Variants in ADCY10 observed in about 807,000 individuals in gnomAD.
The protein encoded by ADCY10 is adenylate cyclase type 10.
ADCY10 carries 156 observed loss-of-function variants against 183.3 expected under a neutral mutation model. The observed-to-expected ratio is 0.85, with a 90% confidence interval of 0.75 to 0.97. The LOEUF is 0.97. Ranked by LOEUF, ADCY10 falls within the 50% of genes least tolerant of loss-of-function variation. The pLI is 0.00. For synonymous variants in ADCY10, 645 were observed against 670.0 expected, an observed-to-expected ratio of 0.96 and a Z score of 0.58; for missense variants, 1,745 against 1,934.3, an observed-to-expected ratio of 0.90 and a Z score of 1.84.
At chr1:167,863,172 G>A (rs1326511378) in intron 14 of ADCY10, among the ~76,000 whole-genome samples, 1 of 152,172 alleles carries the variant, frequency 6.6e-6, no homozygotes, top group African/African-American at 2.4e-5. Flanking sequence ...ATAGCCCGGC[G>A]CCTAGGAACC....
Position 167,841,250 on chromosome 1 carries a change from G to A in ADCY10, c.3008-3932C>T, listed in dbSNP as rs181345479. On this transcript the variant is annotated intron_variant, in intron 21 of 32. Coordinates refer to ENST00000367851, the MANE Select transcript of ADCY10 (RefSeq NM_018417.6). ...CCACTGTGCCTGGCAAGAATAAAAT[G>A]ATCTCTAAAAGTATAAATTCAACAT... 5.7e-4 allele frequency among the ~76,000 whole-genome samples: 87 copies of A among 152,118 alleles called. 5 individuals carry two copies. The highest frequency in any genetic ancestry group is 5.5e-3 in the Admixed American group (84 of 15,262).
intron 23 of ADCY10, among the ~76,000 whole-genome samples, chr1:167,835,750 C>T (rs1205516042): frequency 1.3e-5 from 2 of 152,068 alleles, no homozygotes; most frequent in African/African-American, 4.8e-5. Context: ...ATTAGCTGGG[C>T]ATGGTGGCAT....
At chr1:167,827,698 TTTTAAATTTAAAAAAAAAAA>T (rs1663411134) in intron 26 of ADCY10, among the ~76,000 whole-genome samples, 1 of 134,220 alleles carries the variant, frequency 7.5e-6, no homozygotes, top group Non-Finnish European at 1.6e-5. Flanking sequence ...TATCTAGGCA[TTTTAAATTTAAAAAAAAAAA>T]ATTTTTTTTT....
At chr1:167,855,139 G>A (rs1481602529) in intron 17 of ADCY10, among the ~76,000 whole-genome samples, 1 of 152,096 alleles carries the variant, frequency 6.6e-6, no homozygotes, top group African/African-American at 2.4e-5. Context: ...TGACCAATAT[G>A]GAGAAACCTC....
Position 167,870,131 on chromosome 1 carries a change from G to A in ADCY10, c.1616+126C>T, listed in dbSNP as rs573421689. 1.3e-5 allele frequency: 14 copies of A among 1,076,502 alleles called. No homozygotes were observed. In the South Asian group the frequency reaches 1.8e-4, roughly 14 times the overall value. 66.7% of individuals were successfully genotyped at this position (1,076,502 alleles called of 1,614,324 possible). On this transcript the variant is annotated intron_variant, in intron 14 of 32. Transcript: ENST00000367851. ...TGTTAGTTATCTATTTAGCACAAGG[G>A]TCATGGCATCCAATAATTGTAGGTT...
In ADCY10 at chr1:167,809,705, T is replaced by G. The variant is rs373395570; in HGVS notation, c.4806A>C (p.Arg1602Ser). The G allele has an allele frequency of 1.9e-6, 3 of 1,614,158 alleles. No individual in the cohort carries two copies. Among genetic ancestry groups the G allele is most frequent in the East Asian group, 2.2e-5 (1 of 44,874 alleles). Reference protein sequence around the residue: ...QDLQKNKFLMRANTVDNHF With the variant: ...QDLQKNKFLMSANTVDNHF ...AGAAATGATTGTCCACGGTATTAGC[T>G]CTCATCAGGAATTTGTTTTTTTGAA... The change falls in exon 33 of 33, where the codon AGA becomes AGC. Residue 1602 changes from arginine (R) to serine (S), a missense_variant. Coordinates refer to ENST00000367851, the MANE Select transcript of ADCY10 (RefSeq NM_018417.6).
chr1:167,895,003 G>A (rs985629523), intron 7 of ADCY10, among the ~76,000 whole-genome samples: 1 of 151,934 alleles, frequency 6.6e-6, no homozygotes, highest in African/African-American at 2.4e-5. Flanking sequence ...GCCAACATGG[G>A]AAACCCTGTC....
At chr1:167,896,573 T>G in intron 7 of ADCY10, 22 bp downstream of exon 7, 1 of 1,579,730 alleles carries the variant, frequency 6.3e-7, no homozygotes, top group Non-Finnish European at 8.7e-7. Flanking sequence ...GGCAAAGGCA[T>G]TTTTCCATGG....
intron 8 of ADCY10, among the ~76,000 whole-genome samples, chr1:167,884,292 G>T (rs964900978): frequency 2.0e-5 from 3 of 152,152 alleles, no homozygotes; most frequent in African/African-American, 7.2e-5. Flanking sequence ...GGCAGAAGAC[G>T]AAGGAGAAGC....
In ADCY10 at chr1:167,902,042, A is replaced by C; in HGVS notation, c.266T>G (p.Phe89Cys). 3 of 1,612,528 alleles carry C rather than the reference A, an allele frequency of 1.9e-6. No homozygotes were observed. Among genetic ancestry groups the C allele is most frequent in the Non-Finnish European group, 2.5e-6 (3 of 1,179,896 alleles). Residue 89 changes from phenylalanine to cysteine, a missense_variant, in exon 4 of 33, where the codon TTT becomes TGT. Physicochemically the swap from Phe to Cys is radical, Grantham distance 205. Transcript: ENST00000367851. ...ISAIVEKVLI[F>C]GGDILKFAGD... ...TGCAAATTTCAGGATGTCTCCTCCA[A>C]AAATCAACACTTCTGAGAAAAAAAA...
chr1:167,862,647 G>C (rs1666366634), intron 14 of ADCY10, among the ~76,000 whole-genome samples: 1 of 152,184 alleles, frequency 6.6e-6, no homozygotes. Flanking sequence ...CCTGAACATA[G>C]TAGGAATTCA....
At chr1:167,887,506 A>G (rs6427114) in intron 8 of ADCY10, among the ~76,000 whole-genome samples, 70,512 of 151,670 alleles carry the variant, frequency 0.46, 16,790 homozygotes, top group Middle Eastern at 0.63. Context: ...GAGAACACTT[A>G]GACACAGGGT....
intron 31 of ADCY10, among the ~76,000 whole-genome samples, chr1:167,817,626 G>A (rs1276614944): frequency 6.6e-6 from 1 of 152,122 alleles, no homozygotes; most frequent in Non-Finnish European, 1.5e-5. Flanking sequence ...TTGTCGTGTG[G>A]AATGATTTGT....
intron 25 of ADCY10, among the ~76,000 whole-genome samples, chr1:167,831,197 C>CT (rs78645539): frequency 0.15 from 21,823 of 149,722 alleles, 1,789 homozygotes; most frequent in East Asian, 0.31. Context: ...ATCTCTCTCT[C>CT]TTTTTTTTTT....
intron 21 of ADCY10, among the ~76,000 whole-genome samples, chr1:167,845,138 C>T (rs1243399738): frequency 6.6e-6 from 1 of 152,248 alleles, no homozygotes; most frequent in African/African-American, 2.4e-5. Flanking sequence ...GGCTAATTCT[C>T]TCTCAGTCAT....
In ADCY10 at chr1:167,856,383, C is replaced by A; in HGVS notation, c.1953G>T (p.Ser651=). Residue 651 remains serine (S), a synonymous_variant, in exon 17 of 33, where the codon TCG becomes TCT. Transcript: ENST00000367851. ...FIIDEAQFVD[S]TSWRFMEKLI... is the part of the protein sequence containing the mutation. ...GCTTCTCCATAAATCTCCAGGAGGT[C>A]GAATCCACAAACTGGGCCTCATCAA... is the stretch of plus-strand genomic sequence containing the variant. The A allele has an allele frequency of 1.2e-6, 2 of 1,614,062 alleles. No homozygotes were observed. The highest frequency in any genetic ancestry group is 1.7e-6 in the Non-Finnish European group (2 of 1,179,996).
intron 31 of ADCY10, among the ~76,000 whole-genome samples, chr1:167,815,731 GA>G (rs1353188309): frequency 6.6e-6 from 1 of 152,088 alleles, no homozygotes; most frequent in African/African-American, 2.4e-5. Context: ...ATCAGACTGG[GA>G]ATTTAAAATA....
chr1:167,894,407 C>T (rs1448808314), intron 7 of ADCY10, among the ~76,000 whole-genome samples: 2 of 152,110 alleles, frequency 1.3e-5, no homozygotes, highest in Non-Finnish European at 2.9e-5. Context: ...AGTCACTTTG[C>T]TGCCCTGGTT....
intron 16 of ADCY10, among the ~76,000 whole-genome samples, chr1:167,857,568 C>T (rs1665997638): frequency 6.6e-6 from 1 of 152,100 alleles, no homozygotes. Context: ...AATAATAAAA[C>T]ATTGGCCTGG....
Sources: gnomAD v4.1 joint callset for allele counts (sites outside exome capture counted in the v4.1 genomes callset) on GRCh38, gnomAD v4.1.1 for gene constraint, MANE v1.5 for transcripts, NCBI Gene and HGNC (gene_info 2026-07-23, HGNC 2026-07-21) for gene names.